Variants in THADA observed in about 807,000 individuals in gnomAD.
The protein encoded by THADA is THADA armadillo repeat containing, also known as tRNA (32-2'-O)-methyltransferase regulator THADA.
Under a neutral mutation model 219.8 loss-of-function variants are expected in THADA, and 213 were observed. That is an observed-to-expected ratio of 0.97 (90% CI 0.87 to 1.09). The LOEUF is 1.09. THADA is among the 50% of genes least tolerant of loss of function. The probability of loss-of-function intolerance (pLI) is 0.00; values close to 1 mark genes in which losing one functional copy is unlikely to be tolerated. For synonymous variants in THADA, 1,018 were observed against 828.9 expected (o/e 1.23, Z -3.92); for missense variants, 2,956 against 2,311.3 (o/e 1.28, Z -5.72).
intron 31 of THADA, among the ~76,000 whole-genome samples, chr2:43,301,858 G>C (rs1156258716): frequency 6.6e-6 from 1 of 152,080 alleles, no homozygotes; most frequent in Admixed American, 6.6e-5. Flanking sequence ...TCACAATCGG[G>C]ATTTTTCCCT....
rs903156602 is a variant in THADA, at chr2:43,302,959, C to T, written c.4439-9746G>A. ...CTAAAAACTAAGAAACTAAAAAAAA[C>T]TAAAAAAAAAAGACAAATTTGCTAT... On this transcript the variant is annotated intron_variant, in intron 31 of 37. Transcript: ENST00000405975. 2.6e-5 allele frequency among the ~76,000 whole-genome samples: 4 copies of T among 151,150 alleles called. No homozygotes were observed. In the East Asian group the frequency reaches 5.8e-4, roughly 22 times the overall value.
chr2:43,281,795 G>T (rs890944903), intron 35 of THADA, among the ~76,000 whole-genome samples: 2 of 150,606 alleles, frequency 1.3e-5, no homozygotes, highest in South Asian at 4.2e-4. Context: ...CATTGAGATG[G>T]GGTCTCACTA....
At position 43,443,693 on chromosome 2, in the gene THADA, A is replaced by C. The variant is rs137961247; in HGVS notation, c.3837-13391T>G. Among the ~76,000 whole-genome samples, 469 of 152,354 alleles carry C rather than the reference A, an allele frequency of 3.1e-3. 4 individuals carry two copies. Among genetic ancestry groups the C allele is most frequent in the African/African-American group, 0.011 (456 of 41,590 alleles). Reference sequence around the variant, plus strand: ...GAATGGGATAAAACAGACAGGTGAAAACAAACAAATCAGGATAAAGAGTGA... The same window carrying C: ...GAATGGGATAAAACAGACAGGTGAACACAAACAAATCAGGATAAAGAGTGA... On this transcript the variant is annotated intron_variant, in intron 26 of 37. Coordinates refer to ENST00000405975, the MANE Select transcript of THADA (RefSeq NM_022065.5).
At chr2:43,307,037 TTCTG>T (rs1336437944) in intron 31 of THADA, among the ~76,000 whole-genome samples, 3 of 152,220 alleles carry the variant, frequency 2.0e-5, no homozygotes, top group African/African-American at 4.8e-5. Context: ...TGATTTTTGC[TTCTG>T]TCTATGAAAG....
intron 30 of THADA, among the ~76,000 whole-genome samples, chr2:43,327,057 G>T (rs186293793): frequency 6.6e-6 from 1 of 152,236 alleles, no homozygotes; most frequent in Admixed American, 6.5e-5. Flanking sequence ...GATCTTGTTG[G>T]GGGAGGGGTA....
intron 26 of THADA, among the ~76,000 whole-genome samples, chr2:43,449,555 T>C (rs1004642671): frequency 3.9e-5 from 6 of 152,010 alleles, no homozygotes; most frequent in African/African-American, 1.2e-4. Flanking sequence ...AGAGATAAGC[T>C]TGAAAGCAGA....
intron 20 of THADA, among the ~76,000 whole-genome samples, chr2:43,543,853 T>C (rs1695652282): frequency 6.6e-6 from 1 of 151,752 alleles, no homozygotes; most frequent in Admixed American, 6.6e-5. Flanking sequence ...TTTCTTTTGC[T>C]GTGCAGAAGC....
chr2:43,543,125 T>A (rs1280426934), intron 20 of THADA, among the ~76,000 whole-genome samples: 2 of 150,420 alleles, frequency 1.3e-5, no homozygotes, highest in Admixed American at 1.3e-4. Context: ...ATATGTGGTG[T>A]TTCGTTTTTT....
chr2:43,544,160 T>C (rs1268819337), intron 20 of THADA, among the ~76,000 whole-genome samples: 1 of 152,200 alleles, frequency 6.6e-6, no homozygotes, highest in African/African-American at 2.4e-5. Context: ...TTTTCTCAGG[T>C]TTGTCAAAGA....
intron 20 of THADA, among the ~76,000 whole-genome samples, 184 bp from the exon 21 acceptor site, chr2:43,541,500 G>C (rs1035945070): frequency 2.4e-4 from 37 of 152,024 alleles, no homozygotes; most frequent in African/African-American, 8.2e-4. Flanking sequence ...AAGAAATCAT[G>C]CTAAGTTTTT....
intron 20 of THADA, among the ~76,000 whole-genome samples, chr2:43,548,281 G>T (rs1167821010): frequency 6.6e-6 from 1 of 152,210 alleles, no homozygotes; most frequent in African/African-American, 2.4e-5. Context: ...CCCTACTGGG[G>T]GGTGCCTCCC....
intron 30 of THADA, among the ~76,000 whole-genome samples, chr2:43,329,595 A>C (rs1460116739): frequency 6.6e-6 from 1 of 152,218 alleles, no homozygotes; most frequent in Non-Finnish European, 1.5e-5. Flanking sequence ...AAGGAAGAAA[A>C]ATAGAAATTA....
At chr2:43,584,770 T>C (rs1033309796) in intron 7 of THADA, among the ~76,000 whole-genome samples, 2 of 152,146 alleles carry the variant, frequency 1.3e-5, no homozygotes, top group Non-Finnish European at 2.9e-5. Flanking sequence ...CAGAAACTGT[T>C]GGCACTAGGT....
Position 43,574,324 on chromosome 2 carries a change from C to A in THADA, c.1729+12G>T, listed in dbSNP as rs571499807. 3 of 1,510,372 alleles carry A rather than the reference C, an allele frequency of 2.0e-6. No individual in the cohort carries two copies. The Admixed American group carries it at 7.4e-5, about 37-fold the overall frequency. 93.6% of individuals were successfully genotyped at this position (1,510,372 alleles called of 1,614,324 possible). A position where few individuals can be genotyped will look rare whatever the true frequency, so the allele number is the denominator to read the frequency against. On this transcript the variant is annotated intron_variant, in intron 11 of 37. Transcript: ENST00000405975. ...ATTAGAAACTACTAAAACAAAAATG[C>A]ATTTTTCTTACCAGTTTTAGCATCA...
At chr2:43,322,296 G>A (rs112925542) in intron 30 of THADA, among the ~76,000 whole-genome samples, 4,963 of 152,074 alleles carry the variant, frequency 0.033, 274 homozygotes, top group African/African-American at 0.11. Flanking sequence ...CTGAGGTCAG[G>A]AGATCGAGAT....
intron 36 of THADA, among the ~76,000 whole-genome samples, chr2:43,261,126 C>A (rs1178686061): frequency 6.7e-6 from 1 of 150,168 alleles, no homozygotes; most frequent in African/African-American, 2.5e-5. Context: ...CATCTTCATA[C>A]TTTTTGTCTT....
chr2:43,380,503 G>A (rs907100358), intron 29 of THADA, among the ~76,000 whole-genome samples: 3 of 152,228 alleles, frequency 2.0e-5, no homozygotes, highest in African/African-American at 7.2e-5. Context: ...TAATACTGGA[G>A]TAGAGTCAAA....
chr2:43,327,730 A>G (rs959862819), intron 30 of THADA, among the ~76,000 whole-genome samples: 3 of 152,158 alleles, frequency 2.0e-5, no homozygotes, highest in African/African-American at 7.2e-5. Context: ...ACATAGTGAG[A>G]TCCTATCTCA....
At chr2:43,438,463 G>C (rs1468808683) in intron 26 of THADA, among the ~76,000 whole-genome samples, 1 of 152,078 alleles carries the variant, frequency 6.6e-6, no homozygotes, top group Non-Finnish European at 1.5e-5. Context: ...GGATTTTCTT[G>C]AAAGTCAGAG....
Sources: gnomAD v4.1 joint callset for allele counts (sites outside exome capture counted in the v4.1 genomes callset) on GRCh38, gnomAD v4.1.1 for gene constraint, MANE v1.5 for transcripts, NCBI Gene and HGNC (gene_info 2026-07-23, HGNC 2026-07-21) for gene names.